The following CPQ variants were observed in gnomAD, a reference collection of about 807,000 sequenced individuals.
The protein encoded by CPQ is carboxypeptidase Q, also known as Ser-Met dipeptidase.
A neutral mutation model predicts 45.7 loss-of-function variants in CPQ; 37 were observed. The observed-to-expected ratio is 0.81, with a 90% CI of 0.62 to 1.07. CPQ has a LOEUF of 1.07. CPQ is among the 50% of genes least tolerant of loss of function. The pLI is 0.00. For missense variants in CPQ, 537 were observed against 572.9 expected, an observed-to-expected ratio of 0.94 and a Z score of 0.64; for synonymous variants, 186 against 205.8, an observed-to-expected ratio of 0.90 and a Z score of 0.82.
intron 2 of CPQ, among the ~76,000 whole-genome samples, chr8:96,832,462 C>A (rs2130846717): frequency 6.6e-6 from 1 of 152,276 alleles, no homozygotes; most frequent in East Asian, 1.9e-4. Context: ...TACATGTACG[C>A]CAGGCACTGG....
intron 7 of CPQ, among the ~76,000 whole-genome samples, chr8:97,130,420 G>GTT (rs67911510): frequency 3.0e-4 from 37 of 125,324 alleles, no homozygotes; most frequent in South Asian, 1.1e-3. Context: ...ATCGTCAGCT[G>GTT]TTTTTTTTTT....
chr8:96,812,965 T>G (rs1586410613), intron 2 of CPQ, among the ~76,000 whole-genome samples: 1 of 151,982 alleles, frequency 6.6e-6, no homozygotes, highest in African/African-American at 2.4e-5. Context: ...TCAAATACAG[T>G]GAGACTTCTT....
intron 2 of CPQ, among the ~76,000 whole-genome samples, chr8:96,786,773 G>A (rs1278698663): frequency 6.6e-6 from 1 of 152,108 alleles, no homozygotes; most frequent in Non-Finnish European, 1.5e-5. Flanking sequence ...CTAATGACAA[G>A]TGATGTTGAG....
intron 6 of CPQ, among the ~76,000 whole-genome samples, chr8:97,058,023 T>C (rs1490232349): frequency 6.6e-6 from 1 of 152,196 alleles, no homozygotes; most frequent in Non-Finnish European, 1.5e-5. Context: ...TAAGAAAATA[T>C]AATTATTTCT....
At chr8:97,025,486 T>C (rs1268442522) in intron 5 of CPQ, among the ~76,000 whole-genome samples, 1 of 152,178 alleles carries the variant, frequency 6.6e-6, no homozygotes, top group Non-Finnish European at 1.5e-5. Context: ...GCCTCTCCTC[T>C]AACAAAACCT....
chr8:96,870,265 C>T (rs1812050330), intron 3 of CPQ, among the ~76,000 whole-genome samples: 1 of 151,938 alleles, frequency 6.6e-6, no homozygotes, highest in African/African-American at 2.4e-5. Flanking sequence ...ATCCTGGTCA[C>T]AAAGTTCATT....
chr8:96,732,004 G>A (rs1382941505), intron 1 of CPQ, among the ~76,000 whole-genome samples: 1 of 152,068 alleles, frequency 6.6e-6, no homozygotes, highest in Admixed American at 6.5e-5. Flanking sequence ...TTAGTAAATA[G>A]TGAAATGGTT....
chr8:96,973,110 A>G (rs1813709216), intron 5 of CPQ, among the ~76,000 whole-genome samples: 1 of 152,156 alleles, frequency 6.6e-6, no homozygotes, highest in East Asian at 1.9e-4. Flanking sequence ...AGAAAGGTGA[A>G]GTCCAACTAA....
intron 5 of CPQ, among the ~76,000 whole-genome samples, chr8:96,998,926 C>A (rs754201292): frequency 2.0e-5 from 3 of 152,066 alleles, no homozygotes; most frequent in Non-Finnish European, 4.4e-5. Flanking sequence ...GCTTATTAAA[C>A]GAAGAATTGG....
rs201442491 is a variant in CPQ, at chr8:96,757,350, C to CAATGAT, written c.-34-27510_-34-27505dup. On this transcript the variant is annotated intron_variant, in intron 1 of 7. Transcript: ENST00000220763. ...TGGGCAACAGAGCAAGACTCCATCTCAATGATAATAATAATAATAATAATA... is the reference window on the plus strand; with the variant it reads ...TGGGCAACAGAGCAAGACTCCATCTCAATGATAATGATAATAATAATAATAATAATA... Among the ~76,000 whole-genome samples, 28 of 103,410 alleles carry CAATGAT rather than the reference C, an allele frequency of 2.7e-4. No homozygotes were observed. In the East Asian group the frequency reaches 4.7e-3, roughly 17 times the overall value. 67.8% of individuals were successfully genotyped at this position (103,410 alleles called of 152,430 possible).
intron 3 of CPQ, among the ~76,000 whole-genome samples, chr8:96,839,087 A>G (rs1198735712): frequency 1.0e-5 from 1 of 99,458 alleles, no homozygotes; most frequent in Non-Finnish European, 2.4e-5. Context: ...ACTAGAGAAC[A>G]TTATATTATA....
At chr8:97,087,431 C>T (rs1003387536) in intron 7 of CPQ, among the ~76,000 whole-genome samples, 10 of 152,126 alleles carry the variant, frequency 6.6e-5, no homozygotes, top group Non-Finnish European at 1.2e-4. Context: ...TTCCCCTCTG[C>T]CTAATGAGCA....
chr8:97,063,257 T>C (rs1250467069), intron 6 of CPQ, among the ~76,000 whole-genome samples: 1 of 152,226 alleles, frequency 6.6e-6, no homozygotes, highest in African/African-American at 2.4e-5. Context: ...TTCATATGCT[T>C]GTTGGCCACA....
At position 96,753,263 on chromosome 8, in the gene CPQ, G is replaced by A. The variant is rs930702963; in HGVS notation, c.-34-31601G>A. ...CCTGTTTGTTTTGTTGTGTTAATTC[G>A]TCTGTTGATTCTTATACCACCATTA... On this transcript the variant is annotated intron_variant, in intron 1 of 7. Transcript: ENST00000220763. 1.8e-4 allele frequency among the ~76,000 whole-genome samples: 27 copies of A among 151,940 alleles called. 1 individual carries two copies. The highest frequency in any genetic ancestry group is 1.3e-4 in the Admixed American group (2 of 15,222).
intron 1 of CPQ, among the ~76,000 whole-genome samples, chr8:96,682,441 G>A (rs931236913): frequency 1.3e-5 from 2 of 152,214 alleles, no homozygotes; most frequent in African/African-American, 4.8e-5. Flanking sequence ...TGCCATGATG[G>A]TGAGGCCTCC....
chr8:96,818,871 T>C (rs1811263282), intron 2 of CPQ, among the ~76,000 whole-genome samples: 2 of 152,118 alleles, frequency 1.3e-5, no homozygotes, highest in African/African-American at 2.4e-5. Context: ...CTTTTTCTAA[T>C]TGCACTCCTT....
chr8:97,016,709 T>C (rs973462018), intron 5 of CPQ, among the ~76,000 whole-genome samples: 5 of 152,080 alleles, frequency 3.3e-5, no homozygotes, highest in Non-Finnish European at 5.9e-5. Flanking sequence ...ATTATAGAGA[T>C]AGGCTTTGTT....
chr8:96,771,078 C>CAATATATATATATTATATATATATA (rs1810536857), intron 1 of CPQ, among the ~76,000 whole-genome samples: 1 of 144,398 alleles, frequency 6.9e-6, no homozygotes, highest in Non-Finnish European at 1.5e-5. Context: ...CAGGTTGAAG[C>CAATATATATATATTATATATATATA]AATATATATA....
chr8:96,678,187 A>AT (rs1411232201), intron 1 of CPQ, among the ~76,000 whole-genome samples: 1 of 151,530 alleles, frequency 6.6e-6, no homozygotes. Flanking sequence ...TTTTAGGATT[A>AT]TTTTTTCTAA....
Sources: allele counts gnomAD v4.1 joint callset (sites outside exome capture counted in the v4.1 genomes callset), GRCh38; gene constraint gnomAD v4.1.1; transcripts MANE v1.5; gene names NCBI Gene and HGNC (gene_info 2026-07-23, HGNC 2026-07-21).